Variants in CAND2 observed in about 807,000 individuals in gnomAD.
CAND2 encodes cullin associated and neddylation dissociated 2 (putative).
In CAND2, 62 loss-of-function variants were observed where a neutral mutation model predicts 98.9. The ratio of observed to expected loss-of-function variants is 0.63; its 90% CI spans 0.51 to 0.77. The LOEUF is 0.77. Ranked by LOEUF, CAND2 falls within the 30% of genes least tolerant of loss-of-function variation. The pLI, the probability that CAND2 is intolerant of heterozygous loss-of-function variation, is 0.00. For missense variants in CAND2, 1,501 were observed against 1,655.2 expected, an observed-to-expected ratio of 0.91 and a Z score of 1.62; for synonymous variants, 770 against 731.9, an observed-to-expected ratio of 1.05 and a Z score of -0.84.
intron 14 of CAND2, among the ~76,000 whole-genome samples, chr3:12,833,315 A>G (rs1220055564): frequency 6.6e-6 from 1 of 152,152 alleles, no homozygotes; most frequent in East Asian, 1.9e-4. Context: ...CAGGGACTTG[A>G]GTATGGGGAG....
chr3:12,796,852 C>T, intron 1 of CAND2, 64 bp downstream of exon 1: 1 of 1,335,404 alleles, frequency 7.5e-7, no homozygotes, highest in Non-Finnish European at 1.1e-6. Context: ...TTCTTCCCCT[C>T]TCGAAGCGCC....
rs750204515 is a variant in CAND2 at position 12,810,020 on chromosome 3, CGGAGTGCGA to C, written c.492-38_492-30del. 290 of 1,385,802 alleles carry C rather than the reference CGGAGTGCGA, an allele frequency of 2.1e-4. 1 individual carries two copies. Among genetic ancestry groups the C allele is most frequent in the Non-Finnish European group, 2.5e-4 (272 of 1,072,856 alleles). The allele number at this position is 1,385,802 out of a possible 1,614,324, so 85.8% of individuals were successfully genotyped here. A position where few individuals can be genotyped will look rare whatever the true frequency, so the allele number is the denominator to read the frequency against. ...GGCGGAGCCTGGCCCAGGTTGCCCG[CGGAGTGCGA>C]TCGGCCTGATGCCCCCTCGTGCTCC... is the stretch of plus-strand genomic sequence containing the variant. On this transcript the variant is annotated intron_variant, in intron 4 of 14. Transcript: ENST00000456430.
intron 13 of CAND2, 42 bp from the exon 14 acceptor site, chr3:12,831,423 C>T (rs932792727): frequency 2.0e-5 from 30 of 1,529,806 alleles, no homozygotes; most frequent in Non-Finnish European, 2.5e-5. Context: ...TGCTCTTGCT[C>T]CTGCACCATT....
rs1437012608 is a variant in CAND2, at chr3:12,816,981, G to A, written c.2049G>A (p.Gln683=). ...LAALDALAQS[Q]GLSLPPSAVQ... is the part of the protein sequence containing the mutation. ...CCCTGGACGCCCTGGCCCAGAGCCA[G>A]GGCCTCAGCCTCCCACCGTCTGCCG... is the stretch of plus-strand genomic sequence containing the variant. The change falls in exon 10 of 15, where the codon CAG becomes CAA. Residue 683 remains glutamine (Q), a synonymous_variant. Transcript: ENST00000456430. 6.2e-7 allele frequency: 1 copy of A among 1,612,952 alleles called. No individual in the cohort carries two copies. The highest frequency in any genetic ancestry group is 8.5e-7 in the Non-Finnish European group (1 of 1,179,878).
intron 2 of CAND2, among the ~76,000 whole-genome samples, chr3:12,803,925 G>A (rs1047907495): frequency 6.6e-6 from 1 of 152,234 alleles, no homozygotes; most frequent in African/African-American, 2.4e-5. Flanking sequence ...TGGGCCTGAT[G>A]AGCTTAACCC....
At chr3:12,825,838 CAT>C (rs759260048) in intron 12 of CAND2, among the ~76,000 whole-genome samples, 199 bp downstream of exon 12, 3 of 152,248 alleles carry the variant, frequency 2.0e-5, no homozygotes, top group South Asian at 2.1e-4. Context: ...CTCGTGAGCA[CAT>C]GAGGGTGCTA....
chr3:12,827,582 T>G lies in CAND2; in HGVS notation c.3353T>G (p.Leu1118Arg). 6.2e-7 allele frequency: 1 copy of G among 1,612,970 alleles called. No individual in the cohort carries two copies. Among genetic ancestry groups the G allele is most frequent in the Non-Finnish European group, 8.5e-7 (1 of 1,179,332 alleles). ...TTCCTGAACCATGTGGAGGACGGGCTGAAGGACCACTACGACATCCGGGTA... is the reference window on the plus strand; with the variant it reads ...TTCCTGAACCATGTGGAGGACGGGCGGAAGGACCACTACGACATCCGGGTA... ...CEFLNHVEDG[L>R]KDHYDIRMLT... The change falls in exon 13 of 15, where the codon CTG (leucine) becomes CGG (arginine). Residue 1118 changes from leucine (L) to arginine (R), a missense_variant. Leu to Arg is a moderately radical substitution (Grantham distance 102, BLOSUM62 -2). Around this residue, in one of 3 missense-constraint regions of CAND2, gnomAD observed 1,427 missense variants for 1,545.3 expected, o/e 0.92. Transcript: ENST00000456430.
chr3:12,820,163 C>T lies in CAND2; in HGVS notation c.3022C>T (p.Leu1008Phe). 2 of 1,614,064 alleles carry T rather than the reference C, an allele frequency of 1.2e-6. No individual in the cohort carries two copies. Among genetic ancestry groups the T allele is most frequent in the Non-Finnish European group, 1.7e-6 (2 of 1,179,892 alleles). Reference protein sequence around the residue: ...ISDQPHPIDPLLKSFIGEFME... With the variant: ...ISDQPHPIDPFLKSFIGEFME... Reference sequence around the variant, plus strand: ...GGACCAGCCCCATCCCATTGACCCCCTCCTGAAGAGCTTCATCGGTGAGCA... The same window carrying T: ...GGACCAGCCCCATCCCATTGACCCCTTCCTGAAGAGCTTCATCGGTGAGCA... Residue 1008 changes from leucine to phenylalanine, a missense_variant, in exon 11 of 15, where the codon CTC becomes TTC. Transcript: ENST00000456430.
chr3:12,813,349 G>C lies in CAND2; in HGVS notation c.967G>C (p.Glu323Gln), dbSNP rs761315087. 6 of 1,614,134 alleles carry C rather than the reference G, an allele frequency of 3.7e-6. No individual in the cohort carries two copies. Among genetic ancestry groups the C allele is most frequent in the Non-Finnish European group, 5.1e-6 (6 of 1,180,032 alleles). ...CAACTACGACAGTGATGAGGATGAG[G>C]AGCAGATGGAGACAGAGGATAGTGA... ...NYNYDSDEDE[E>Q]QMETEDSEFS... The change falls in exon 7 of 15, where the codon GAG (glutamate) becomes CAG (glutamine). Residue 323 changes from glutamate to glutamine, a missense_variant. Glu to Gln is a conservative substitution (Grantham distance 29, BLOSUM62 2). Transcript: ENST00000456430.
intron 1 of CAND2, among the ~76,000 whole-genome samples, chr3:12,798,883 G>C (rs903858923): frequency 8.1e-6 from 1 of 123,184 alleles, no homozygotes; most frequent in Non-Finnish European, 1.8e-5. Flanking sequence ...GGGTTTCTCT[G>C]TAATGAAACT....
chr3:12,809,612 G>T (rs1422093806), intron 4 of CAND2, among the ~76,000 whole-genome samples: 1 of 152,106 alleles, frequency 6.6e-6, no homozygotes, highest in Non-Finnish European at 1.5e-5. Flanking sequence ...CTTGTCTTGA[G>T]CCCAGAGCTC....
At position 12,813,004 on chromosome 3, in the gene CAND2, C is replaced by A. The variant is rs747292902; in HGVS notation, c.772C>A (p.Arg258Ser). ...TGGCCCTGCAGGGGCTCACCTGGACCGCCTGGTGCCCCTGGTGGAGGATTT... is the reference window on the plus strand; with the variant it reads ...TGGCCCTGCAGGGGCTCACCTGGACAGCCTGGTGCCCCTGGTGGAGGATTT... ...AGHRLGAHLD[R>S]LVPLVEDFCN... Residue 258 changes from arginine to serine, a missense_variant, in exon 6 of 15, where the codon CGC becomes AGC. Arg to Ser is a moderately radical substitution (Grantham distance 110). Transcript: ENST00000456430. 2 of 1,573,882 alleles carry A rather than the reference C, an allele frequency of 1.3e-6. No homozygotes were observed. Among genetic ancestry groups the A allele is most frequent in the Non-Finnish European group, 1.7e-6 (2 of 1,160,346 alleles).
Position 12,819,586 on chromosome 3 carries a change from G to A in CAND2, c.2945-500G>A, listed in dbSNP as rs530876445. ...GGCCTCCCTGACCACCAGCCAGAAC[G>A]CAGCCCCAGGAAGAGGGGCCCAGCC... is the stretch of plus-strand genomic sequence containing the variant. On this transcript the variant is annotated intron_variant, in intron 10 of 14. Transcript: ENST00000456430. Among the ~76,000 whole-genome samples the A allele has an allele frequency of 6.6e-5, 10 of 152,312 alleles. No homozygotes were observed. The East Asian group carries it at 7.7e-4, about 12-fold the overall frequency.
Position 12,808,199 on chromosome 3 carries a change from G to A in CAND2, c.368-11G>A. 4 of 1,550,782 alleles carry A rather than the reference G, an allele frequency of 2.6e-6. No individual in the cohort carries two copies. The highest frequency in any genetic ancestry group is 3.5e-6 in the Non-Finnish European group (4 of 1,146,836). On this transcript the variant is annotated splice_polypyrimidine_tract_variant and intron_variant, in intron 3 of 14. Coordinates refer to ENST00000456430, the MANE Select transcript of CAND2 (RefSeq NM_001162499.2). ...CAGGGCCTCACTGTGCCCACCTTGT[G>A]CCCTGTGCAGGCTCCGGGCTGGCCA...
chr3:12,815,450 C>T lies in CAND2; in HGVS notation c.1299+17C>T. ...CGTGGACAGGTGGGCGTGCCTTCAC[C>T]TCCACCCCTACCCCCGATTTGCCTA... On this transcript the variant is annotated intron_variant, in intron 8 of 14. Coordinates refer to ENST00000456430, the MANE Select transcript of CAND2 (RefSeq NM_001162499.2). The surrounding 1 kb of genome is among the most constrained non-coding windows in gnomAD (Gnocchi z 5.7). 6.3e-7 allele frequency: 1 copy of T among 1,595,788 alleles called. No homozygotes were observed. The highest frequency in any genetic ancestry group is 8.6e-7 in the Non-Finnish European group (1 of 1,167,568).
chr3:12,807,117 TG>T, intron 2 of CAND2, 188 bp from the exon 3 acceptor site: 1 of 515,768 alleles, frequency 1.9e-6, no homozygotes. Context: ...AATGTAGGTT[TG>T]GGAGGTCCCA....
At chr3:12,831,415 C>G (rs2062052844) in intron 13 of CAND2, 50 bp from the exon 14 acceptor site, 1 of 1,480,450 alleles carries the variant, frequency 6.8e-7, no homozygotes, top group African/African-American at 1.4e-5. Flanking sequence ...CTGGCTGCTG[C>G]TCTTGCTCCT....
At chr3:12,801,790 G>A (rs971098329) in intron 1 of CAND2, among the ~76,000 whole-genome samples, 7 of 152,346 alleles carry the variant, frequency 4.6e-5, no homozygotes, top group Admixed American at 3.9e-4. Context: ...GAATTTGTTA[G>A]AAATGTGGAT....
chr3:12,832,174 T>TA (rs1421990862), intron 14 of CAND2: 3 of 152,242 alleles, frequency 2.0e-5, no homozygotes, highest in African/African-American at 7.2e-5. Flanking sequence ...GGTTGGCACT[T>TA]AAAGAGGAGA....
Sources: allele counts gnomAD v4.1 joint callset (sites outside exome capture counted in the v4.1 genomes callset), GRCh38; gene constraint gnomAD v4.1.1; regional missense constraint gnomAD v4.1.1; non-coding constraint Gnocchi (gnomAD v3.1); transcripts MANE v1.5; gene names NCBI Gene and HGNC (gene_info 2026-07-23, HGNC 2026-07-21).